ASTN2: variants seen among roughly 807,000 people sequenced by gnomAD.
The protein encoded by ASTN2 is astrotactin 2.
In ASTN2, 54 loss-of-function variants were observed where a neutral mutation model predicts 139.8. The observed-to-expected ratio is 0.39, with a 90% CI of 0.31 to 0.48. ASTN2 has a LOEUF of 0.48. Ranked by LOEUF, ASTN2 falls within the 20% of genes least tolerant of loss-of-function variation. The pLI is 0.95. For missense variants in ASTN2, 1,565 were observed against 1,725.1 expected (o/e 0.91, Z 1.64); for synonymous variants, 756 against 719.5 (o/e 1.05, Z -0.81).
chr9:117,232,281 T>A (rs1264744938), intron 2 of ASTN2, among the ~76,000 whole-genome samples: 1 of 152,214 alleles, frequency 6.6e-6, no homozygotes, highest in Non-Finnish European at 1.5e-5. Context: ...TTCTTCTTTA[T>A]ACCCCAGGTT....
At chr9:116,783,520 T>C (rs1314127652) in intron 13 of ASTN2, among the ~76,000 whole-genome samples, 3 of 152,210 alleles carry the variant, frequency 2.0e-5, no homozygotes, top group African/African-American at 7.2e-5. Flanking sequence ...ACTATGCATC[T>C]GTTGCTTTAA....
chr9:117,095,575 T>C (rs111321271), intron 5 of ASTN2, among the ~76,000 whole-genome samples: 4,403 of 152,290 alleles, frequency 0.029, 203 homozygotes, highest in African/African-American at 0.1. Flanking sequence ...TTCTTTCCCA[T>C]TAACCCTGTA....
intron 19 of ASTN2, among the ~76,000 whole-genome samples, chr9:116,605,419 A>AT (rs950290062): frequency 1.3e-5 from 2 of 152,058 alleles, no homozygotes; most frequent in Admixed American, 6.5e-5. Context: ...GAAGTTTCTG[A>AT]TTTTTTTAAA....
chr9:116,976,881 G>T, intron 7 of ASTN2, 96 bp from the exon 8 acceptor site: 1 of 1,112,348 alleles, frequency 9.0e-7, no homozygotes, highest in Non-Finnish European at 1.3e-6. Flanking sequence ...AAAGTGAGCT[G>T]CTTAGTTTTA....
chr9:117,358,287 C>T (rs1292070817), intron 1 of ASTN2, among the ~76,000 whole-genome samples: 1 of 151,836 alleles, frequency 6.6e-6, no homozygotes, highest in Non-Finnish European at 1.5e-5. Flanking sequence ...CACACACACA[C>T]ACACACACAT....
chr9:117,174,517 T>C (rs988886062), intron 3 of ASTN2, among the ~76,000 whole-genome samples: 11 of 151,964 alleles, frequency 7.2e-5, no homozygotes, highest in Non-Finnish European at 1.5e-4. Flanking sequence ...TAATTACATA[T>C]ACAAATATTT....
chr9:117,290,894 A>T (rs1587916894), intron 2 of ASTN2, among the ~76,000 whole-genome samples: 1 of 152,178 alleles, frequency 6.6e-6, no homozygotes, highest in African/African-American at 2.4e-5. Context: ...GGGTTAAAAC[A>T]CCTGACACAT....
At chr9:117,088,073 G>A (rs147118639) in intron 5 of ASTN2, among the ~76,000 whole-genome samples, 209 of 152,250 alleles carry the variant, frequency 1.4e-3, no homozygotes, top group Non-Finnish European at 2.5e-3. Flanking sequence ...TCTGAGCCTT[G>A]GTTTTTATGT....
At chr9:116,904,672 T>C (rs1325863053) in intron 10 of ASTN2, among the ~76,000 whole-genome samples, 3 of 152,244 alleles carry the variant, frequency 2.0e-5, no homozygotes, top group African/African-American at 7.2e-5. Context: ...TGGAGTGCTA[T>C]AGAAGTGTCA....
intron 2 of ASTN2, among the ~76,000 whole-genome samples, chr9:117,262,385 T>C (rs1344710072): frequency 7.2e-6 from 1 of 138,014 alleles, no homozygotes; most frequent in South Asian, 2.6e-4. Flanking sequence ...GTGGTTGATA[T>C]TCTGTTTCTT....
chr9:116,465,739 C>A (rs552517049), intron 20 of ASTN2, among the ~76,000 whole-genome samples: 25 of 152,112 alleles, frequency 1.6e-4, no homozygotes, highest in Admixed American at 6.5e-5. Context: ...AAACACAAAC[C>A]CACTTTGCTC....
intron 10 of ASTN2, among the ~76,000 whole-genome samples, chr9:116,909,384 G>A (rs903954429): frequency 6.6e-6 from 1 of 152,178 alleles, no homozygotes; most frequent in Non-Finnish European, 1.5e-5. Context: ...TTTGACTATG[G>A]GTGTGAGAGA....
chr9:116,568,386 T>C (rs555768038), intron 19 of ASTN2: 3 of 152,248 alleles, frequency 2.0e-5, no homozygotes, highest in East Asian at 1.9e-4. Context: ...TTTTAGGAGA[T>C]GTTAAGTAGA....
chr9:116,714,206 G>A lies in ASTN2; in HGVS notation c.2806+11565C>T, dbSNP rs73655477. On this transcript the variant is annotated intron_variant, in intron 16 of 22. Coordinates refer to ENST00000313400, the MANE Select transcript of ASTN2 (RefSeq NM_001365068.1). ...CCATGTGCCCTACTGCTGAGCTCCA[G>A]GCTGTGCTATCTGACATTCTCACCT... Among the ~76,000 whole-genome samples, 60 of 152,286 alleles carry A rather than the reference G, an allele frequency of 3.9e-4. 1 individual carries two copies. The highest frequency in any genetic ancestry group is 1.4e-3 in the African/African-American group (58 of 41,560).
At chr9:117,293,076 C>G (rs1026048164) in intron 1 of ASTN2, among the ~76,000 whole-genome samples, 9 of 151,650 alleles carry the variant, frequency 5.9e-5, no homozygotes, top group Non-Finnish European at 1.2e-4. Flanking sequence ...TCTAATTCAT[C>G]CTTCAGCTGC....
chr9:116,513,674 T>G (rs1850509278), intron 19 of ASTN2, among the ~76,000 whole-genome samples: 1 of 152,236 alleles, frequency 6.6e-6, no homozygotes, highest in Non-Finnish European at 1.5e-5. Flanking sequence ...CATAGTCCCA[T>G]ATTTCTTGGA....
intron 10 of ASTN2, among the ~76,000 whole-genome samples, chr9:116,926,329 C>A (rs1834754364): frequency 6.6e-6 from 1 of 152,198 alleles, no homozygotes; most frequent in African/African-American, 2.4e-5. Flanking sequence ...TCGTTGCCAC[C>A]CCCTGCCACT....
chr9:117,371,041 C>T (rs1236852670), intron 1 of ASTN2, among the ~76,000 whole-genome samples: 1 of 152,048 alleles, frequency 6.6e-6, no homozygotes, highest in Non-Finnish European at 1.5e-5. Context: ...CCCCAACAGT[C>T]CCAAAGAAGG....
At chr9:117,133,858 T>A (rs1209595992) in intron 4 of ASTN2, among the ~76,000 whole-genome samples, 1 of 152,118 alleles carries the variant, frequency 6.6e-6, no homozygotes, top group African/African-American at 2.4e-5. Flanking sequence ...AAGTTCAAGC[T>A]GCAAAAAGCG....
Sources: allele counts gnomAD v4.1 joint callset (sites outside exome capture counted in the v4.1 genomes callset), GRCh38; gene constraint gnomAD v4.1.1; transcripts MANE v1.5; gene names NCBI Gene and HGNC (gene_info 2026-07-23, HGNC 2026-07-21).